PTPRF: variants seen among roughly 807,000 people sequenced by gnomAD.
PTPRF encodes the protein protein tyrosine phosphatase receptor type F.
In PTPRF, 59 loss-of-function variants were observed where a neutral mutation model predicts 201.8. The ratio of observed to expected loss-of-function variants is 0.29; its 90% CI spans 0.24 to 0.36. PTPRF has a LOEUF of 0.36. PTPRF is among the 10% of genes least tolerant of loss of function. The probability of loss-of-function intolerance (pLI) is 1.00; values close to 1 mark genes in which losing one functional copy is unlikely to be tolerated. For synonymous variants in PTPRF, 1,088 were observed against 1,089.7 expected (o/e 1.00, Z 0.03); for missense variants, 2,132 against 2,690.5 (o/e 0.79, Z 4.59).
At position 43,603,005 on chromosome 1, in the gene PTPRF, G is replaced by A. The variant is rs1447322553; in HGVS notation, c.2341-411G>A. ...GTGCATGCATGCACTGGTGTCCACA[G>A]GCAGCCTTACGCCTGCTTATGCAGG... On this transcript the variant is annotated intron_variant, in intron 14 of 33. Coordinates refer to ENST00000359947, the MANE Select transcript of PTPRF (RefSeq NM_002840.5). This position sits in a 1 kb window ranked among gnomAD's most constrained non-coding sequence, Gnocchi z 5.8. Among the ~76,000 whole-genome samples, 1 of 152,192 alleles carries A rather than the reference G, an allele frequency of 6.6e-6. No individual in the cohort carries two copies. Among genetic ancestry groups the A allele is most frequent in the Non-Finnish European group, 1.5e-5 (1 of 68,020 alleles).
chr1:43,541,518 C>G (rs147846783), intron 2 of PTPRF, among the ~76,000 whole-genome samples: 3 of 152,288 alleles, frequency 2.0e-5, no homozygotes, highest in African/African-American at 7.2e-5. Flanking sequence ...GATTCCCAGG[C>G]TCTTTGGTTT....
At position 43,598,908 on chromosome 1, in the gene PTPRF, G is replaced by C. The variant is rs766771427; in HGVS notation, c.2308G>C (p.Ala770Pro). ...CATCCAAGACGTCATGCTAGCCGAG[G>C]CCCAGGTGCAGCATTGGGTGGTGGT... ...PIIQDVMLAE[A>P]QWRPEESEDY... The change falls in exon 13 of 34, where the codon GCC (alanine) becomes CCC (proline). Residue 770 changes from alanine to proline, a missense_variant. Ala to Pro is a conservative substitution (Grantham distance 27, BLOSUM62 -1). This residue lies in a region of PTPRF where 818 missense variants were observed against 915.3 expected (regional missense o/e 0.89). Transcript: ENST00000359947. 1.3e-5 allele frequency: 21 copies of C among 1,612,970 alleles called. No homozygotes were observed. In the South Asian group the frequency reaches 2.2e-4, roughly 17 times the overall value.
At position 43,591,887 on chromosome 1, in the gene PTPRF, C is replaced by A; in HGVS notation, c.1607C>A (p.Pro536His). Residue 536 changes from proline (P) to histidine (H), a missense_variant, in exon 10 of 34, where the codon CCT (proline) becomes CAT (histidine). Physicochemically the swap from Pro to His is moderately conservative, Grantham distance 77. This residue lies in a region of PTPRF where 351 missense variants were observed against 401.7 expected (regional missense o/e 0.87). Transcript: ENST00000359947. ...ATCCAGCTCTCGTGGCTGCTGCCCC[C>A]TCAGGAGCGGATCATCATGTATGAA... is the stretch of plus-strand genomic sequence containing the variant. ...TRIQLSWLLP[P>H]QERIIMYELV... 1.2e-6 allele frequency: 2 copies of A among 1,613,516 alleles called. No homozygotes were observed. The highest frequency in any genetic ancestry group is 1.1e-5 in the South Asian group (1 of 91,076).
intron 7 of PTPRF, chr1:43,579,167 C>A (rs945794501): frequency 5.8e-6 from 4 of 685,822 alleles, no homozygotes; most frequent in Non-Finnish European, 1.1e-5. Context: ...GCATTTGTAT[C>A]TTTTGTAGGT....
At position 43,538,992 on chromosome 1, in the gene PTPRF, C is replaced by T. The variant is rs114338818; in HGVS notation, c.-46+715C>T. Among the ~76,000 whole-genome samples, 451 of 152,312 alleles carry T rather than the reference C, an allele frequency of 3.0e-3. 3 individuals carry two copies. The highest frequency in any genetic ancestry group is 9.7e-3 in the African/African-American group (404 of 41,554). On this transcript the variant is annotated intron_variant, in intron 2 of 33. Transcript: ENST00000359947. ...GGTTCTTAAGCAGAGAAGCAATATC[C>T]ATGTGTTGATCTGTCCATTGCCCAT...
intron 6 of PTPRF, 148 bp downstream of exon 6, chr1:43,569,926 G>A: frequency 2.2e-6 from 2 of 929,586 alleles, no homozygotes; most frequent in Non-Finnish European, 3.1e-6. Context: ...TACTGCAGGT[G>A]TGCCTGGCTC....
rs772747132 is a variant in PTPRF, at chr1:43,619,481, G to C, written c.4840G>C (p.Glu1614Gln). 23 of 1,614,054 alleles carry C rather than the reference G, an allele frequency of 1.4e-5. No individual in the cohort carries two copies. The highest frequency in any genetic ancestry group is 6.7e-5 in the Admixed American group (4 of 60,038). ...GGAGGCTGCCACGTGCGGCCACACA[G>C]AGGTGCCTGCCCGCAACCTGTATGC... ...LLEAATCGHT[E>Q]VPARNLYAHI... Residue 1614 changes from glutamate to glutamine, a missense_variant, in exon 28 of 34, where the codon GAG becomes CAG. Glu to Gln is a conservative substitution (Grantham distance 29). Coordinates refer to ENST00000359947, the MANE Select transcript of PTPRF (RefSeq NM_002840.5).
At chr1:43,600,255 T>C (rs797006654) in intron 13 of PTPRF, among the ~76,000 whole-genome samples, 9 of 152,158 alleles carry the variant, frequency 5.9e-5, no homozygotes, top group African/African-American at 2.2e-4. Context: ...TAGCCCCTCC[T>C]CTCTGAGGGG....
chr1:43,605,762 C>T (rs1282394908), intron 19 of PTPRF, 140 bp downstream of exon 19: 1 of 823,162 alleles, frequency 1.2e-6, no homozygotes, highest in East Asian at 2.7e-5. Flanking sequence ...GCCCGCCCCT[C>T]TCTGGAGAGA....
At chr1:43,583,690 G>A (rs1424916443) in intron 7 of PTPRF, among the ~76,000 whole-genome samples, 1 of 152,166 alleles carries the variant, frequency 6.6e-6, no homozygotes, top group African/African-American at 2.4e-5. Context: ...GTCAGCCCTG[G>A]TCTGCCTCAG....
rs1243802767 is a variant in PTPRF, at chr1:43,554,942, C to T, written c.379+1001C>T. On this transcript the variant is annotated intron_variant, in intron 5 of 33. Coordinates refer to ENST00000359947, the MANE Select transcript of PTPRF (RefSeq NM_002840.5). This position sits in a 1 kb window ranked among gnomAD's most constrained non-coding sequence, Gnocchi z 4.1. ...GATCTCAGCTCACTGCAACCTCTGC[C>T]TCCCGGGTTCAAGCGATTCTCCTGC... Among the ~76,000 whole-genome samples, 1 of 151,486 alleles carries T rather than the reference C, an allele frequency of 6.6e-6. No individual in the cohort carries two copies. The highest frequency in any genetic ancestry group is 1.9e-4 in the East Asian group (1 of 5,170).
At chr1:43,548,374 C>T (rs1353739814) in intron 3 of PTPRF, among the ~76,000 whole-genome samples, 1 of 151,914 alleles carries the variant, frequency 6.6e-6, no homozygotes, top group Non-Finnish European at 1.5e-5. Context: ...GGCTGAGGAG[C>T]TGGGAGTGTG....
intron 6 of PTPRF, among the ~76,000 whole-genome samples, chr1:43,570,574 G>T (rs1221802442): frequency 3.3e-5 from 5 of 152,266 alleles, no homozygotes; most frequent in African/African-American, 9.6e-5. Context: ...CCTGTCAGTT[G>T]TGATGTCAAT....
chr1:43,569,225 C>G (rs901911724), intron 5 of PTPRF, among the ~76,000 whole-genome samples: 4 of 140,964 alleles, frequency 2.8e-5, no homozygotes, highest in African/African-American at 5.2e-5. Context: ...GCTAGCCCCC[C>G]CCCCCACCCC....
chr1:43,569,642 G>T lies in PTPRF; in HGVS notation c.432G>T (p.Lys144Asn). 6.2e-7 allele frequency: 1 copy of T among 1,613,724 alleles called. No homozygotes were observed. Among genetic ancestry groups the T allele is most frequent in the Non-Finnish European group, 8.5e-7 (1 of 1,179,736 alleles). The change falls in exon 6 of 34, where the codon AAG becomes AAT. Residue 144 changes from lysine (K) to asparagine (N), a missense_variant. Lys to Asn is a moderately conservative substitution (Grantham distance 94). Transcript: ENST00000359947. ...FPSIDMGPQLKVVEKARTATM... is the reference protein window; with the variant it reads ...FPSIDMGPQLNVVEKARTATM... ...CCATCGACATGGGGCCTCAGCTGAAGGTGGTGGAGAAGGCACGCACAGCCA... is the reference window on the plus strand; with the variant it reads ...CCATCGACATGGGGCCTCAGCTGAATGTGGTGGAGAAGGCACGCACAGCCA...
intron 22 of PTPRF, chr1:43,613,299 G>A (rs556767372): frequency 5.7e-6 from 2 of 351,322 alleles, no homozygotes; most frequent in South Asian, 2.7e-5. Context: ...TGCTGCCACC[G>A]ACCTGGGCGT....
rs1405734141 is a variant in PTPRF, at chr1:43,591,090, A to G, written c.1068A>G (p.Ala356=). The G allele has an allele frequency of 6.8e-6, 11 of 1,613,920 alleles. No homozygotes were observed. The South Asian group carries it at 1.1e-4, about 16-fold the overall frequency. Residue 356 remains alanine, a synonymous_variant, in exon 9 of 34, where the codon GCA becomes GCG. Coordinates refer to ENST00000359947, the MANE Select transcript of PTPRF (RefSeq NM_002840.5). ...PVTYYGIQYR[A]AGTEGPFQEV... Reference sequence around the variant, plus strand: ...CCTACTATGGCATCCAGTACCGCGCAGCGGGCACGGAGGGCCCCTTTCAGG... The same window carrying G: ...CCTACTATGGCATCCAGTACCGCGCGGCGGGCACGGAGGGCCCCTTTCAGG...
intron 3 of PTPRF, among the ~76,000 whole-genome samples, chr1:43,545,616 G>T (rs1386017219): frequency 6.6e-6 from 1 of 152,058 alleles, no homozygotes; most frequent in South Asian, 2.1e-4. Flanking sequence ...GGTCAAAAGC[G>T]GGAGCCACCC....
In PTPRF at chr1:43,569,647, T is replaced by C. The variant is rs1432596269; in HGVS notation, c.437T>C (p.Val146Ala). ...SIDMGPQLKV[V>A]EKARTATMLC... ...GACATGGGGCCTCAGCTGAAGGTGG[T>C]GGAGAAGGCACGCACAGCCACCATG... Residue 146 changes from valine (V) to alanine (A), a missense_variant, in exon 6 of 34, where the codon GTG becomes GCG. Val to Ala is a moderately conservative substitution (Grantham distance 64, BLOSUM62 0). Around this residue, in one of 6 missense-constraint regions of PTPRF, gnomAD observed 297 missense variants for 454.0 expected, o/e 0.65. Transcript: ENST00000359947. 1 of 1,613,750 alleles carries C rather than the reference T, an allele frequency of 6.2e-7. No individual in the cohort carries two copies. Among genetic ancestry groups the C allele is most frequent in the South Asian group, 1.1e-5 (1 of 91,066 alleles).
Sources: gnomAD v4.1 joint callset for allele counts (sites outside exome capture counted in the v4.1 genomes callset) on GRCh38, gnomAD v4.1.1 for gene constraint, gnomAD v4.1.1 regional missense constraint, Gnocchi (gnomAD v3.1) non-coding constraint, MANE v1.5 for transcripts, NCBI Gene and HGNC (gene_info 2026-07-23, HGNC 2026-07-21) for gene names.